The following WNK1 variants were observed in gnomAD, a reference collection of about 807,000 sequenced individuals.
WNK1 encodes the protein serine/threonine-protein kinase WNK1.
WNK1 carries 38 observed loss-of-function variants against 222.8 expected under a neutral mutation model. The ratio of observed to expected loss-of-function variants is 0.17; its 90% CI spans 0.13 to 0.22. The LOEUF (loss-of-function observed/expected upper bound fraction) is 0.22. Ranked by LOEUF, WNK1 falls within the 10% of genes least tolerant of loss-of-function variation. The pLI, the probability that WNK1 is intolerant of heterozygous loss-of-function variation, is 1.00. For synonymous variants in WNK1, 1,090 were observed against 1,092.9 expected (o/e 1.00, Z 0.05); for missense variants, 2,348 against 2,918.4 (o/e 0.80, Z 4.50).
intron 4 of WNK1, among the ~76,000 whole-genome samples, chr12:844,002 A>G (rs1232880945): frequency 2.6e-5 from 4 of 152,288 alleles, no homozygotes; most frequent in Non-Finnish European, 5.9e-5. Context: ...TTGTTCAGTC[A>G]TTCATGTAAA....
rs146302423 is a variant in WNK1, at chr12:876,266, G to A, written c.2224-1946G>A. Among the ~76,000 whole-genome samples the A allele has an allele frequency of 2.8e-3, 420 of 152,140 alleles. 3 individuals are homozygous for A. The highest frequency in any genetic ancestry group is 9.8e-3 in the African/African-American group (407 of 41,514). Reference sequence around the variant, plus strand: ...CTACTAAAAACACAAAAAATTAGCCGGGCGTGGTGGCAGGCGCCTGTAGTC... The same window carrying A: ...CTACTAAAAACACAAAAAATTAGCCAGGCGTGGTGGCAGGCGCCTGTAGTC... On this transcript the variant is annotated intron_variant, in intron 9 of 27. Transcript: ENST00000315939.
In WNK1 at chr12:812,243, T is replaced by C. The variant is rs566641892; in HGVS notation, c.760-1399T>C. ...GGCCCAATTTCAATTCTCATTTTTC[T>C]TTTAAGTCACAGGAATTTTTTATCC... is the stretch of plus-strand genomic sequence containing the variant. On this transcript the variant is annotated intron_variant, in intron 1 of 27. Coordinates refer to ENST00000315939, the MANE Select transcript of WNK1 (RefSeq NM_018979.4). 5.9e-5 allele frequency among the ~76,000 whole-genome samples: 9 copies of C among 152,316 alleles called. No individual in the cohort carries two copies. In the South Asian group the frequency reaches 1.9e-3, roughly 32 times the overall value.
chr12:828,513 G>T (rs752466952), intron 3 of WNK1, among the ~76,000 whole-genome samples: 21 of 151,992 alleles, frequency 1.4e-4, no homozygotes, highest in Non-Finnish European at 2.6e-4. Context: ...CTTGTACGTT[G>T]TAAGACTCTG....
At chr12:872,247 G>A (rs903784573) in intron 9 of WNK1, among the ~76,000 whole-genome samples, 4 of 151,876 alleles carry the variant, frequency 2.6e-5, no homozygotes, top group Admixed American at 1.3e-4. Flanking sequence ...CGCCTCAGCC[G>A]CCCGAGTAGC....
chr12:905,903 G>C (rs1169557523), intron 26 of WNK1, among the ~76,000 whole-genome samples: 1 of 152,198 alleles, frequency 6.6e-6, no homozygotes, highest in Non-Finnish European at 1.5e-5. Context: ...GTAGTTCCGT[G>C]TCTTGCCATA....
At chr12:813,503 C>T (rs1947086876) in intron 1 of WNK1, 139 bp from the exon 2 acceptor site, 1 of 847,642 alleles carries the variant, frequency 1.2e-6, no homozygotes, top group Non-Finnish European at 1.8e-6. Flanking sequence ...TAATCCAAAT[C>T]TATCATTTAT....
intron 25 of WNK1, among the ~76,000 whole-genome samples, chr12:900,257 ATAT>A (rs1373993455): frequency 6.6e-6 from 1 of 151,984 alleles, no homozygotes; most frequent in Non-Finnish European, 1.5e-5. Flanking sequence ...AAGTGCTGGG[ATAT>A]TATAGGCGTG....
In WNK1 at chr12:896,108, A is replaced by G. The variant is rs1254658679; in HGVS notation, c.5621A>G (p.Lys1874Arg). Reference protein sequence around the residue: ...VAADGAQKEGKNKSEDAKSVH... With the variant: ...VAADGAQKEGRNKSEDAKSVH... The stretch of plus-strand genomic sequence containing the variant: ...GCAGACGGTGCCCAGAAAGAGGGTA[A>G]AAATAAGTCAGAAGATGCAAAGTCT... Residue 1874 changes from lysine (K) to arginine (R), a missense_variant, in exon 24 of 28, where the codon AAA (lysine) becomes AGA (arginine). Around this residue, in one of 13 missense-constraint regions of WNK1, gnomAD observed 1,144 missense variants for 1,273.6 expected, o/e 0.90. Transcript: ENST00000315939. 1 of 1,614,110 alleles carries G rather than the reference A, an allele frequency of 6.2e-7. No homozygotes were observed. The highest frequency in any genetic ancestry group is 8.5e-7 in the Non-Finnish European group (1 of 1,180,054).
chr12:901,827 CAAAAT>C (rs1955285966), intron 26 of WNK1, among the ~76,000 whole-genome samples: 1 of 152,112 alleles, frequency 6.6e-6, no homozygotes, highest in Non-Finnish European at 1.5e-5. Context: ...TAAAAAATGT[CAAAAT>C]AACAAGTTAT....
chr12:899,229 C>G (rs1320547624), intron 25 of WNK1, among the ~76,000 whole-genome samples: 2 of 152,200 alleles, frequency 1.3e-5, no homozygotes, highest in Admixed American at 1.3e-4. Flanking sequence ...AGGGCCAGTT[C>G]ATGCAGCCCA....
rs137867830 is a variant in WNK1, at chr12:818,244, T to C, written c.932+4430T>C. On this transcript the variant is annotated intron_variant, in intron 2 of 27. Transcript: ENST00000315939. ...ACATTATCTAAGTTCTTTTTCTTTT[T>C]ACAATTAAAAAGAAATTTTCAGTTT... Among the ~76,000 whole-genome samples the C allele has an allele frequency of 6.6e-5, 10 of 152,332 alleles. No individual in the cohort carries two copies. The East Asian group carries it at 1.9e-3, about 29-fold the overall frequency.
Position 827,407 on chromosome 12 carries a change from A to G in WNK1, c.1153+145A>G, listed in dbSNP as rs1403545415. 5 of 702,520 alleles carry G rather than the reference A, an allele frequency of 7.1e-6. No homozygotes were observed. Among genetic ancestry groups the G allele is most frequent in the Non-Finnish European group, 1.3e-5 (5 of 396,580 alleles). 43.5% of individuals were successfully genotyped at this position (702,520 alleles called of 1,614,324 possible). A position where few individuals can be genotyped will look rare whatever the true frequency, so the allele number is the denominator to read the frequency against. On this transcript the variant is annotated intron_variant, in intron 3 of 27. Coordinates refer to ENST00000315939, the MANE Select transcript of WNK1 (RefSeq NM_018979.4). The surrounding 1 kb of genome is among the most constrained non-coding windows in gnomAD (Gnocchi z 4.6). ...GGAGGTGATCCATTGTACTTATGAG[A>G]TATAGGATTCTCTATATTTGTGCTT...
chr12:860,008 G>T (rs915864633), intron 6 of WNK1, among the ~76,000 whole-genome samples: 2 of 151,950 alleles, frequency 1.3e-5, no homozygotes, highest in Non-Finnish European at 2.9e-5. Context: ...GAGCCACTTC[G>T]CCCGGCCAAA....
At chr12:899,360 C>T (rs1287189714) in intron 25 of WNK1, among the ~76,000 whole-genome samples, 1 of 151,922 alleles carries the variant, frequency 6.6e-6, no homozygotes, top group African/African-American at 2.4e-5. Flanking sequence ...CCTCCAACTC[C>T]CAGGTTCAAG....
chr12:867,795 C>G (rs990225656), intron 8 of WNK1: 9 of 1,545,248 alleles, frequency 5.8e-6, no homozygotes, highest in Non-Finnish European at 8.0e-6. Context: ...ACAGAACTAC[C>G]CAGTTGTGCA....
In WNK1 at chr12:867,144, A is replaced by C. The variant is rs920290325; in HGVS notation, c.2140-4121A>C. ...TCAAAAAAAAGAAAAAAGAAATTTC[A>C]TGGTTATGCAACTCTTATTTATGAT... On this transcript the variant is annotated intron_variant, in intron 8 of 27. Transcript: ENST00000315939. Among the ~76,000 whole-genome samples, 13 of 152,238 alleles carry C rather than the reference A, an allele frequency of 8.5e-5. 1 individual carries two copies. The South Asian group carries it at 1.7e-3, about 19-fold the overall frequency.
rs72649807 is a variant in WNK1 at position 865,125 on chromosome 12, A to G, written c.2139+2855A>G. 8.3e-4 allele frequency: 1,261 copies of G among 1,519,994 alleles called. 6 individuals carry two copies. In the African/African-American group the frequency reaches 0.015, roughly 18 times the overall value. 94.2% of individuals were successfully genotyped at this position (1,519,994 alleles called of 1,614,324 possible). On this transcript the variant is annotated intron_variant, in intron 8 of 27. Coordinates refer to ENST00000315939, the MANE Select transcript of WNK1 (RefSeq NM_018979.4). ...TTGTGTTGAGCCTCGTCGTGGCCGT[A>G]GCATGTCGGTTTGTGTTCCCATCTT...
intron 6 of WNK1, among the ~76,000 whole-genome samples, 168 bp downstream of exon 6, chr12:859,632 G>GTGTGTGTGTGTGTGGTT (rs369513114): frequency 1.6e-5 from 2 of 122,658 alleles, no homozygotes; most frequent in East Asian, 4.1e-4. Flanking sequence ...GTGTGTGTGT[G>GTGTGTGTGTGTGTGGTT]TTTTTTTTTT....
chr12:816,447 A>T (rs1025593323), intron 2 of WNK1, among the ~76,000 whole-genome samples: 10 of 145,602 alleles, frequency 6.9e-5, no homozygotes, highest in East Asian at 4.0e-4. Context: ...TAAAAAAACA[A>T]TTTTTTTTTT....
Sources: gnomAD v4.1 joint callset for allele counts (sites outside exome capture counted in the v4.1 genomes callset) on GRCh38, gnomAD v4.1.1 for gene constraint, gnomAD v4.1.1 regional missense constraint, Gnocchi (gnomAD v3.1) non-coding constraint, MANE v1.5 for transcripts, NCBI Gene and HGNC (gene_info 2026-07-23, HGNC 2026-07-21) for gene names.